DDO: variants seen among roughly 807,000 people sequenced by gnomAD.
The protein encoded by DDO is D-aspartate oxidase.
Under a neutral mutation model 16.8 loss-of-function variants are expected in DDO, and 16 were observed. The ratio of observed to expected loss-of-function variants is 0.95; its 90% CI spans 0.65 to 1.45. DDO has a LOEUF of 1.45. DDO is among the 40% of genes most tolerant of loss of function. The pLI is 0.00. For missense variants in DDO, 429 were observed against 420.3 expected, an observed-to-expected ratio of 1.02 and a Z score of -0.18; for synonymous variants, 180 against 167.2, an observed-to-expected ratio of 1.08 and a Z score of -0.59.
chr6:110,388,766 A>G (rs1582463111), downstream of DDO: 4 of 981,586 alleles, frequency 4.1e-6, no homozygotes, highest in East Asian at 2.3e-4. Context: ...AAGGCCAGAC[A>G]CTTGAAAGCA....
chr6:110,405,020 G>A, intron 3 of DDO, 70 bp from the exon 4 acceptor site: 1 of 1,394,148 alleles, frequency 7.2e-7, no homozygotes, highest in South Asian at 1.2e-5. Flanking sequence ...AACTTCACAT[G>A]ACATTCTCTA....
intron 2 of DDO, among the ~76,000 whole-genome samples, chr6:110,408,946 C>A (rs543961575): frequency 5.9e-5 from 9 of 152,308 alleles, no homozygotes; most frequent in South Asian, 4.1e-4. Flanking sequence ...GACTGCACCT[C>A]GATGGGGAGT....
chr6:110,411,725 G>A (rs1773863634), intron 2 of DDO, among the ~76,000 whole-genome samples: 1 of 151,918 alleles, frequency 6.6e-6, no homozygotes, highest in African/African-American at 2.4e-5. Flanking sequence ...TCCAGAAAGA[G>A]GGAAAAGGAC....
intron 3 of DDO, 125 bp downstream of exon 3, chr6:110,408,209 G>T (rs116845315): frequency 2.5e-6 from 2 of 809,814 alleles, no homozygotes; most frequent in Admixed American, 2.7e-5. Context: ...TGCTCTTTCC[G>T]AATCCTCCTG....
At chr6:110,414,831 G>C (rs1220623283) in intron 1 of DDO, among the ~76,000 whole-genome samples, 2 of 152,236 alleles carry the variant, frequency 1.3e-5, no homozygotes, top group Admixed American at 6.5e-5. Flanking sequence ...GGGCCACATG[G>C]TACAAACCAT....
At chr6:110,414,100 T>C (rs1233168409) in intron 1 of DDO, among the ~76,000 whole-genome samples, 3 of 152,140 alleles carry the variant, frequency 2.0e-5, no homozygotes, top group African/African-American at 7.2e-5. Flanking sequence ...CCATTTTCCC[T>C]ATGGGCACAA....
downstream of DDO, among the ~76,000 whole-genome samples, chr6:110,390,830 ATG>A (rs1350438471): frequency 1.3e-5 from 2 of 152,226 alleles, no homozygotes; most frequent in Non-Finnish European, 1.5e-5. Flanking sequence ...TATGATGCAT[ATG>A]TGTTTCCAGT....
In DDO at chr6:110,392,853, G is replaced by A. The variant is rs147192773; in HGVS notation, c.948C>T (p.Gly316=). The A allele has an allele frequency of 2.8e-5, 45 of 1,613,902 alleles. No homozygotes were observed. The African/African-American group carries it at 4.1e-4, about 15-fold the overall frequency. ...HGSGGISVHW[G]TALEAARLVS... is the part of the protein sequence containing the mutation. ...CCAGCCTGGCGGCCTCCAGAGCAGT[G>A]CCCCAGTGCACTGAGATGCCCCCAC... Residue 316 remains glycine, a synonymous_variant, in exon 5 of 5, where the codon GGC becomes GGT. Coordinates refer to ENST00000368924, the MANE Select transcript of DDO (RefSeq NM_001372108.2).
rs1774010974 is a variant in DDO, at chr6:110,415,365, G to C, written c.-5+102C>G. 4 of 1,490,284 alleles carry C rather than the reference G, an allele frequency of 2.7e-6. No homozygotes were observed. In the Admixed American group the frequency reaches 7.9e-5, roughly 29 times the overall value. The allele number at this position is 1,490,284 out of a possible 1,614,324, so 92.3% of individuals were successfully genotyped here. On this transcript the variant is annotated intron_variant, in intron 1 of 4. Transcript: ENST00000368924. ...GAGCAATGTGGTGTGTCCTGGCACAGTGGCCTGTCCATCACTGTCCCCTGA... is the reference window on the plus strand; with the variant it reads ...GAGCAATGTGGTGTGTCCTGGCACACTGGCCTGTCCATCACTGTCCCCTGA...
chr6:110,408,302 A>T (rs553018035), intron 3 of DDO, 32 bp downstream of exon 3: 2 of 1,588,898 alleles, frequency 1.3e-6, no homozygotes, highest in East Asian at 2.2e-5. Flanking sequence ...ATCATGCTAC[A>T]CTCTAAAATA....
chr6:110,415,369 C>T lies in DDO; in HGVS notation c.-5+98G>A, dbSNP rs1047043787. ...AATGTGGTGTGTCCTGGCACAGTGG[C>T]CTGTCCATCACTGTCCCCTGACCCT... On this transcript the variant is annotated intron_variant, in intron 1 of 4. Transcript: ENST00000368924. 7.8e-5 allele frequency: 117 copies of T among 1,492,138 alleles called. No homozygotes were observed. In the African/African-American group the frequency reaches 1.4e-3, roughly 18 times the overall value. The allele number at this position is 1,492,138 out of a possible 1,614,324, so 92.4% of individuals were successfully genotyped here. A position where few individuals can be genotyped will look rare whatever the true frequency, so the allele number is the denominator to read the frequency against.
At chr6:110,409,607 T>C (rs1051533070) in intron 2 of DDO, among the ~76,000 whole-genome samples, 1 of 152,200 alleles carries the variant, frequency 6.6e-6, no homozygotes, top group Non-Finnish European at 1.5e-5. Context: ...AAATATTTCT[T>C]TAGTAGCGAA....
downstream of DDO, chr6:110,388,941 A>G (rs1056997729): frequency 1.0e-5 from 4 of 393,542 alleles, no homozygotes; most frequent in African/African-American, 6.5e-5. Flanking sequence ...TTTGAAGTAA[A>G]TGAAGATAAG....
At chr6:110,401,464 TAA>T (rs35673802) in intron 4 of DDO, among the ~76,000 whole-genome samples, 1 of 145,838 alleles carries the variant, frequency 6.9e-6, no homozygotes, top group Non-Finnish European at 1.5e-5. Context: ...AAAAGTGCTT[TAA>T]AAAAAAAAAA....
chr6:110,402,243 T>C (rs1439830410), intron 4 of DDO, among the ~76,000 whole-genome samples: 1 of 152,240 alleles, frequency 6.6e-6, no homozygotes, highest in Admixed American at 6.5e-5. Flanking sequence ...GGACATTATA[T>C]GGACAATTGG....
At chr6:110,398,235 T>C (rs1357331952) in intron 4 of DDO, among the ~76,000 whole-genome samples, 1 of 152,158 alleles carries the variant, frequency 6.6e-6, no homozygotes, top group African/African-American at 2.4e-5. Context: ...AGCCCTCTGC[T>C]GGACTGCATC....
intron 1 of DDO, 90 bp downstream of exon 1, chr6:110,415,374 CCAT>C: frequency 6.6e-7 from 1 of 1,523,624 alleles, no homozygotes; most frequent in South Asian, 1.2e-5. Flanking sequence ...AGTGGCCTGT[CCAT>C]CACTGTCCCC....
chr6:110,388,709 C>A (rs890978948), downstream of DDO: 1 of 760,884 alleles, frequency 1.3e-6, no homozygotes, highest in East Asian at 1.3e-4. Context: ...CTCAAAGCAG[C>A]CTCGTTCCTC....
rs759014968 is a variant in DDO at position 110,392,948 on chromosome 6, G to A, written c.853C>T (p.Arg285Ter). The change falls in exon 5 of 5, where the codon CGA becomes TGA. Residue 285 changes from arginine (R) to a stop codon, truncating the protein, a stop_gained. Transcript: ENST00000368924. LOFTEE classifies it low-confidence loss of function (END_TRUNC). ...VGLRPYRPGVRLQTELLARDG... is the reference protein window; with the variant it reads ...VGLRPYRPGV The stretch of plus-strand genomic sequence containing the variant: ...CGCGCAAGGAGCTCTGTCTGCAGTC[G>A]CACGCCTGGCCTGTAGGGCCTCAAG... The A allele has an allele frequency of 2.0e-5, 32 of 1,614,028 alleles. No individual in the cohort carries two copies. The highest frequency in any genetic ancestry group is 1.3e-4 in the Admixed American group (8 of 60,004).
Sources: gnomAD v4.1 joint callset for allele counts (sites outside exome capture counted in the v4.1 genomes callset) on GRCh38, gnomAD v4.1.1 for gene constraint, MANE v1.5 for transcripts, NCBI Gene and HGNC (gene_info 2026-07-23, HGNC 2026-07-21) for gene names.